The following DNAI4 variants were observed in gnomAD, a reference collection of about 807,000 sequenced individuals.
DNAI4 encodes WD repeat domain 78.
A neutral mutation model predicts 105.8 loss-of-function variants in DNAI4; 85 were observed. That is an observed-to-expected ratio of 0.80 (90% confidence interval 0.67 to 0.96). The LOEUF (loss-of-function observed/expected upper bound fraction) is 0.96, where lower values mean the gene tolerates loss of function less well. Ranked by LOEUF, DNAI4 falls within the 40% of genes least tolerant of loss-of-function variation. DNAI4 has a pLI of 0.00. For synonymous variants in DNAI4, 352 were observed against 331.5 expected, an observed-to-expected ratio of 1.06 and a Z score of -0.67; for missense variants, 1,014 against 1,005.6, an observed-to-expected ratio of 1.01 and a Z score of -0.11.
chr1:66,843,757 A>G (rs999549301), intron 8 of DNAI4, among the ~76,000 whole-genome samples: 3 of 152,122 alleles, frequency 2.0e-5, no homozygotes, highest in Non-Finnish European at 4.4e-5. Context: ...CCATTTGTTG[A>G]AAGACTATCT....
chr1:66,814,487 G>C (rs1014690815), intron 16 of DNAI4, among the ~76,000 whole-genome samples: 1 of 152,014 alleles, frequency 6.6e-6, no homozygotes, highest in African/African-American at 2.4e-5. Context: ...TCCTGCCTCA[G>C]CCTCCTGAGT....
intron 1 of DNAI4, among the ~76,000 whole-genome samples, chr1:66,906,751 T>C (rs1649281153): frequency 6.6e-6 from 1 of 151,916 alleles, no homozygotes; most frequent in Non-Finnish European, 1.5e-5. Flanking sequence ...CTTCTATCTC[T>C]AAGGACTTAA....
chr1:66,882,839 G>C (rs1191107300), intron 4 of DNAI4, among the ~76,000 whole-genome samples: 1 of 151,794 alleles, frequency 6.6e-6, no homozygotes, highest in Non-Finnish European at 1.5e-5. Context: ...AGATTGCTGG[G>C]ATTTTGATTA....
intron 4 of DNAI4, among the ~76,000 whole-genome samples, chr1:66,882,007 C>T (rs1390803684): frequency 3.3e-5 from 5 of 152,170 alleles, no homozygotes; most frequent in South Asian, 2.1e-4. Flanking sequence ...CTCTTGTTTG[C>T]GTGCTGCCAT....
At position 66,822,236 on chromosome 1, in the gene DNAI4, G is replaced by A. The variant is rs1487991559; in HGVS notation, c.2496+125C>T. The A allele has an allele frequency of 4.3e-6, 4 of 924,268 alleles. No homozygotes were observed. The African/African-American group carries it at 5.2e-5, about 12-fold the overall frequency. The allele number at this position is 924,268 out of a possible 1,614,324, so 57.3% of individuals were successfully genotyped here. A position where few individuals can be genotyped will look rare whatever the true frequency, so the allele number is the denominator to read the frequency against. On this transcript the variant is annotated intron_variant, in intron 16 of 16. Coordinates refer to ENST00000371026, the MANE Select transcript of DNAI4 (RefSeq NM_024763.5). ...CCATGTATAGAAGTTAGCAACTCCT[G>A]GAATTTATGTTCTTTTATTATATTA...
At chr1:66,835,059 C>G (rs1645951064) in intron 11 of DNAI4, among the ~76,000 whole-genome samples, 1 of 152,062 alleles carries the variant, frequency 6.6e-6, no homozygotes, top group African/African-American at 2.4e-5. Context: ...CCTCATATGA[C>G]TCATTTATTC....
chr1:66,865,311 CT>C (rs1397251243), intron 6 of DNAI4, among the ~76,000 whole-genome samples: 2 of 152,058 alleles, frequency 1.3e-5, no homozygotes, highest in African/African-American at 4.8e-5. Context: ...GTAATCGCAG[CT>C]ACTTGGGAGG....
At chr1:66,833,022 G>A (rs997685211) in intron 13 of DNAI4, among the ~76,000 whole-genome samples, 47 of 152,110 alleles carry the variant, frequency 3.1e-4, no homozygotes, top group African/African-American at 2.2e-4. Context: ...GTGGCCAAGG[G>A]GGGCAGGGAG....
chr1:66,837,908 C>T, intron 9 of DNAI4, 112 bp from the exon 10 acceptor site: 1 of 1,058,306 alleles, frequency 9.4e-7, no homozygotes, highest in Non-Finnish European at 1.3e-6. Context: ...TAAGACATTT[C>T]ATCTGAGAGG....
At chr1:66,816,102 G>A (rs1210267589) in intron 16 of DNAI4, among the ~76,000 whole-genome samples, 1 of 152,042 alleles carries the variant, frequency 6.6e-6, no homozygotes, top group Non-Finnish European at 1.5e-5. Context: ...GAGGCCAGGG[G>A]TTTATGACCA....
intron 16 of DNAI4, among the ~76,000 whole-genome samples, chr1:66,814,894 G>T (rs72671664): frequency 6.6e-6 from 1 of 152,074 alleles, no homozygotes; most frequent in Non-Finnish European, 1.5e-5. Context: ...TCATTTAATG[G>T]TACTGATATT....
intron 16 of DNAI4, among the ~76,000 whole-genome samples, chr1:66,821,524 T>G (rs1645626481): frequency 6.6e-6 from 1 of 152,224 alleles, no homozygotes; most frequent in Non-Finnish European, 1.5e-5. Flanking sequence ...AGAGTAGTCT[T>G]ATTAAAAAAT....
intron 16 of DNAI4, among the ~76,000 whole-genome samples, chr1:66,815,738 A>C (rs1645501881): frequency 6.6e-6 from 1 of 152,188 alleles, no homozygotes; most frequent in Non-Finnish European, 1.5e-5. Flanking sequence ...AGCAATCCTC[A>C]TCATGCCAGT....
At position 66,834,035 on chromosome 1, in the gene DNAI4, C is replaced by G; in HGVS notation, c.1847G>C (p.Gly616Ala). The change falls in exon 12 of 17, where the codon GGA (glycine) becomes GCA (alanine). Residue 616 changes from glycine to alanine, a missense_variant. Coordinates refer to ENST00000371026, the MANE Select transcript of DNAI4 (RefSeq NM_024763.5). ...REILVSISAD[G>A]RISKWVIRKG... is the part of the protein sequence containing the mutation. ...TCGTATAACCCATTTGGAGATTCTTCCATCTGCTGATATAGAAACTAGTAT... is the reference window on the plus strand; with the variant it reads ...TCGTATAACCCATTTGGAGATTCTTGCATCTGCTGATATAGAAACTAGTAT... The G allele has an allele frequency of 6.2e-7, 1 of 1,611,496 alleles. No individual in the cohort carries two copies. The highest frequency in any genetic ancestry group is 8.5e-7 in the Non-Finnish European group (1 of 1,179,028).
chr1:66,826,943 G>C lies in DNAI4; in HGVS notation c.2216C>G (p.Pro739Arg). ...AGTAGCTGGATAAAAACTCAAAGAT[G>C]GCTTGACATTCTCCTGTTGCCATAT... ...VIIWQQENVK[P>R]SLSFYPATSV... The change falls in exon 15 of 17, where the codon CCA becomes CGA. Residue 739 changes from proline (P) to arginine (R), a missense_variant. Physicochemically the swap from Pro to Arg is moderately radical, Grantham distance 103 (BLOSUM62 -2). Coordinates refer to ENST00000371026, the MANE Select transcript of DNAI4 (RefSeq NM_024763.5). 1.2e-6 allele frequency: 2 copies of C among 1,614,028 alleles called. No individual in the cohort carries two copies. The highest frequency in any genetic ancestry group is 1.7e-6 in the Non-Finnish European group (2 of 1,180,012).
chr1:66,900,057 AATTTT>A (rs757810702), intron 2 of DNAI4, among the ~76,000 whole-genome samples: 18 of 152,070 alleles, frequency 1.2e-4, no homozygotes, highest in Non-Finnish European at 1.6e-4. Flanking sequence ...ATTCCATATG[AATTTT>A]ATTTTATTTT....
chr1:66,905,101 G>T, intron 2 of DNAI4, 100 bp downstream of exon 2: 1 of 950,386 alleles, frequency 1.1e-6, no homozygotes. Flanking sequence ...TCAAAATTAT[G>T]AGTGATTATC....
intron 4 of DNAI4, among the ~76,000 whole-genome samples, chr1:66,887,601 C>A (rs1028185328): frequency 6.6e-6 from 1 of 151,952 alleles, no homozygotes; most frequent in Non-Finnish European, 1.5e-5. Flanking sequence ...ATTATATAAA[C>A]TTATTATTAA....
rs1410323783 is a variant in DNAI4 at position 66,840,695 on chromosome 1, A to G, written c.1292-24T>C. The G allele has an allele frequency of 2.5e-6, 4 of 1,612,860 alleles. No homozygotes were observed. In the African/African-American group the frequency reaches 5.3e-5, roughly 22 times the overall value. On this transcript the variant is annotated intron_variant, in intron 8 of 16. Coordinates refer to ENST00000371026, the MANE Select transcript of DNAI4 (RefSeq NM_024763.5). Reference sequence around the variant, plus strand: ...TTCTAAAGTTTAAACAAATAAAAAGATCATTGTCCTCTACATCTATAGGGA... The same window carrying G: ...TTCTAAAGTTTAAACAAATAAAAAGGTCATTGTCCTCTACATCTATAGGGA...
Sources: allele counts gnomAD v4.1 joint callset (sites outside exome capture counted in the v4.1 genomes callset), GRCh38; gene constraint gnomAD v4.1.1; transcripts MANE v1.5; gene names NCBI Gene and HGNC (gene_info 2026-07-23, HGNC 2026-07-21).